The following TRPC4AP variants were observed in gnomAD, a reference collection of about 807,000 sequenced individuals.
The protein encoded by TRPC4AP is transient receptor potential cation channel subfamily C member 4 associated protein.
TRPC4AP carries 45 observed loss-of-function variants against 99.0 expected under a neutral mutation model. That is an observed-to-expected ratio of 0.45 (90% CI 0.36 to 0.58). The LOEUF is 0.58. Ranked by LOEUF, TRPC4AP falls within the 20% of genes least tolerant of loss-of-function variation. TRPC4AP has a pLI of 0.00. For missense variants in TRPC4AP, 879 were observed against 985.3 expected, an observed-to-expected ratio of 0.89 and a Z score of 1.44; for synonymous variants, 408 against 385.8, an observed-to-expected ratio of 1.06 and a Z score of -0.67.
At chr20:35,041,291 G>A (rs748680548) in intron 7 of TRPC4AP, among the ~76,000 whole-genome samples, 8 of 152,136 alleles carry the variant, frequency 5.3e-5, no homozygotes, top group Admixed American at 2.0e-4. Context: ...TCATCCACTC[G>A]TGATTTAATT....
chr20:35,065,242 A>T (rs960223668), intron 3 of TRPC4AP, among the ~76,000 whole-genome samples: 2 of 152,234 alleles, frequency 1.3e-5, no homozygotes, highest in Admixed American at 1.3e-4. Flanking sequence ...GATTTCCCAT[A>T]ACCTCTCAGG....
At chr20:35,031,082 T>C (rs1024198548) in intron 8 of TRPC4AP, among the ~76,000 whole-genome samples, 2 of 152,224 alleles carry the variant, frequency 1.3e-5, no homozygotes, top group African/African-American at 4.8e-5. Flanking sequence ...CTTGGTTGAC[T>C]GTTTTCTTTC....
At chr20:35,071,812 G>A (rs930316265) in intron 2 of TRPC4AP, among the ~76,000 whole-genome samples, 3 of 152,162 alleles carry the variant, frequency 2.0e-5, no homozygotes, top group Non-Finnish European at 2.9e-5. Context: ...TAATGGGATG[G>A]CTGGGTCAAA....
chr20:35,019,953 A>T (rs1462861604), intron 9 of TRPC4AP, among the ~76,000 whole-genome samples: 1 of 151,986 alleles, frequency 6.6e-6, no homozygotes, highest in Admixed American at 6.6e-5. Flanking sequence ...ACAACTCCCC[A>T]TCTTCCTCCC....
At chr20:35,015,448 C>T (rs2082731132) in intron 10 of TRPC4AP, among the ~76,000 whole-genome samples, 1 of 148,792 alleles carries the variant, frequency 6.7e-6, no homozygotes, top group African/African-American at 2.5e-5. Flanking sequence ...GGCTAGAGGG[C>T]CTCAGGCAGG....
rs757734177 is a variant in TRPC4AP, at chr20:35,003,100, C to G, written c.*46G>C. On this transcript the variant is annotated 3_prime_UTR_variant, in exon 19 of 19. Transcript: ENST00000252015. ...GGCAGGGCGTGTGGCATCGTACCCA[C>G]GCTCACCCACACTGGCCCAGCAGCC... 1 of 1,610,064 alleles carries G rather than the reference C, an allele frequency of 6.2e-7. No individual in the cohort carries two copies. Among genetic ancestry groups the G allele is most frequent in the East Asian group, 2.2e-5 (1 of 44,860 alleles).
Position 35,007,592 on chromosome 20 carries a change from G to A in TRPC4AP, c.1644C>T (p.Ser548=), listed in dbSNP as rs2082541445. 1 of 1,614,220 alleles carries A rather than the reference G, an allele frequency of 6.2e-7. No individual in the cohort carries two copies. Among genetic ancestry groups the A allele is most frequent in the Non-Finnish European group, 8.5e-7 (1 of 1,180,038 alleles). ...TCAGCAGGAACATCTGGTCTGCATA[G>A]GAGGTGGTCCCTCGGAGGAAACTCT... ...AVESFLRGTT[S]YADQMFLLKR... Residue 548 remains serine (S), a synonymous_variant, in exon 14 of 19, where the codon TCC becomes TCT. Transcript: ENST00000252015.
Position 35,035,210 on chromosome 20 carries a change from A to G in TRPC4AP, c.964T>C (p.Leu322=), listed in dbSNP as rs746300243. 13 of 1,613,808 alleles carry G rather than the reference A, an allele frequency of 8.1e-6. No individual in the cohort carries two copies. Among genetic ancestry groups the G allele is most frequent in the Non-Finnish European group, 1.0e-5 (12 of 1,179,924 alleles). ...STGTASFLQE[L]EEWYTWLDNA... is the part of the protein sequence containing the mutation. ...TCTAGCCATGTGTACCACTCTTCCAACTCCTGAAGGAAGCTGGCTGTGCCC... is the reference window on the plus strand; with the variant it reads ...TCTAGCCATGTGTACCACTCTTCCAGCTCCTGAAGGAAGCTGGCTGTGCCC... The change falls in exon 8 of 19, where the codon TTG becomes CTG. Residue 322 remains leucine, a synonymous_variant. Coordinates refer to ENST00000252015, the MANE Select transcript of TRPC4AP (RefSeq NM_015638.3).
At chr20:35,070,571 C>T (rs2084282968) in intron 2 of TRPC4AP, among the ~76,000 whole-genome samples, 1 of 152,112 alleles carries the variant, frequency 6.6e-6, no homozygotes, top group African/African-American at 2.4e-5. Flanking sequence ...CCACTGCGCC[C>T]GGCTAATTTT....
chr20:35,011,561 G>A (rs996914120), intron 11 of TRPC4AP, among the ~76,000 whole-genome samples: 2 of 152,066 alleles, frequency 1.3e-5, no homozygotes, highest in African/African-American at 2.4e-5. Flanking sequence ...TTCTACTTCT[G>A]TACCATTGTG....
intron 8 of TRPC4AP, among the ~76,000 whole-genome samples, chr20:35,026,631 A>C (rs991086060): frequency 1.4e-4 from 21 of 152,176 alleles, no homozygotes; most frequent in African/African-American, 5.1e-4. Flanking sequence ...AATTGTGTTG[A>C]ATCTGTAAGG....
In TRPC4AP at chr20:35,049,987, C is replaced by T. The variant is rs1353626605; in HGVS notation, c.536G>A (p.Gly179Glu). ...CTTTTCTGCCAAACGCTTTGTAACT[C>T]CCTCTGTCTGTCACAAGAAGAAAAG... ...ILYNTCVCTE[G>E]VTKRLAEKND... Residue 179 changes from glycine (G) to glutamate (E), a missense_variant, in exon 6 of 19, where the codon GGA becomes GAA. By Grantham distance (98) the Gly-to-Glu change is moderately conservative. Transcript: ENST00000252015. 4 of 1,613,408 alleles carry T rather than the reference C, an allele frequency of 2.5e-6. No individual in the cohort carries two copies. Among genetic ancestry groups the T allele is most frequent in the Non-Finnish European group, 3.4e-6 (4 of 1,179,714 alleles).
intron 8 of TRPC4AP, among the ~76,000 whole-genome samples, chr20:35,025,186 A>G (rs986287493): frequency 6.6e-6 from 1 of 152,082 alleles, no homozygotes; most frequent in Non-Finnish European, 1.5e-5. Context: ...ATGAAGTACT[A>G]TATCATTGTG....
rs1318349179 is a variant in TRPC4AP at position 35,003,182 on chromosome 20, G to A, written c.2358C>T (p.Pro786=). The A allele has an allele frequency of 3.1e-6, 5 of 1,614,098 alleles. No homozygotes were observed. The highest frequency in any genetic ancestry group is 4.5e-5 in the East Asian group (2 of 44,894). Reference sequence around the variant, plus strand: ...TGAAGTCCCTGTCTATGTCCATGTAGGGCTCCTCAATGTAGCTAACGAGAG... The same window carrying A: ...TGAAGTCCCTGTCTATGTCCATGTAAGGCTCCTCAATGTAGCTAACGAGAG... The part of the protein sequence containing the change: ...PSALVSYIEE[P]YMDIDRDFTE... The change falls in exon 19 of 19, where the codon CCC becomes CCT. Residue 786 remains proline (P), a synonymous_variant. Coordinates refer to ENST00000252015, the MANE Select transcript of TRPC4AP (RefSeq NM_015638.3).
At chr20:35,057,775 G>A (rs544126988) in intron 3 of TRPC4AP, among the ~76,000 whole-genome samples, 4 of 152,062 alleles carry the variant, frequency 2.6e-5, no homozygotes, top group Non-Finnish European at 5.9e-5. Context: ...CCACCTACTT[G>A]CCCTTCTCTG....
At chr20:35,055,494 C>T (rs1402365268) in intron 4 of TRPC4AP, among the ~76,000 whole-genome samples, 1 of 152,152 alleles carries the variant, frequency 6.6e-6, no homozygotes, top group Non-Finnish European at 1.5e-5. Context: ...CTACTAGAAT[C>T]TAAAGTATAG....
chr20:35,025,369 T>G (rs2083002771), intron 8 of TRPC4AP, among the ~76,000 whole-genome samples: 1 of 152,046 alleles, frequency 6.6e-6, no homozygotes. Flanking sequence ...TTTTTTTTTG[T>G]AGAGATGAGG....
intron 7 of TRPC4AP, among the ~76,000 whole-genome samples, chr20:35,036,279 A>T (rs1327882244): frequency 6.6e-6 from 1 of 152,264 alleles, no homozygotes; most frequent in African/African-American, 2.4e-5. Flanking sequence ...ACAGAAAAGA[A>T]GCCAAGAGCA....
intron 12 of TRPC4AP, 65 bp downstream of exon 12, chr20:35,010,122 G>A (rs2082599819): frequency 1.4e-6 from 2 of 1,414,164 alleles, no homozygotes; most frequent in Non-Finnish European, 2.0e-6. Context: ...GTGCTCACCG[G>A]TGAGCCCCCG....
Sources: allele counts gnomAD v4.1 joint callset (sites outside exome capture counted in the v4.1 genomes callset), GRCh38; gene constraint gnomAD v4.1.1; transcripts MANE v1.5; gene names NCBI Gene and HGNC (gene_info 2026-07-23, HGNC 2026-07-21).